The following MOB1B variants were observed in gnomAD, a reference collection of about 807,000 sequenced individuals.
The protein encoded by MOB1B is MOB kinase activator 1B, also known as MOB1 Mps One Binder homolog B.
In MOB1B, 19 loss-of-function variants were observed where a neutral mutation model predicts 24.4. The observed-to-expected ratio is 0.78, with a 90% CI of 0.54 to 1.14. The LOEUF (loss-of-function observed/expected upper bound fraction) is 1.14. Ranked by LOEUF, MOB1B falls within the 50% of genes most tolerant of loss-of-function variation. The pLI is 0.00. For synonymous variants in MOB1B, 76 were observed against 82.1 expected (o/e 0.93, Z 0.40); for missense variants, 243 against 259.6 (o/e 0.94, Z 0.44).
At chr4:70,968,430 G>A (rs1246532110) in intron 2 of MOB1B, among the ~76,000 whole-genome samples, 1 of 152,094 alleles carries the variant, frequency 6.6e-6, no homozygotes, top group Admixed American at 6.5e-5. Context: ...TCCTGCCCCA[G>A]CCTCCTGAGT....
intron 2 of MOB1B, among the ~76,000 whole-genome samples, chr4:70,969,210 C>T (rs774027730): frequency 5.3e-5 from 8 of 152,258 alleles, no homozygotes; most frequent in Middle Eastern, 3.4e-3. Context: ...TGGCTCACTG[C>T]AGCCTGACTT....
intron 1 of MOB1B, among the ~76,000 whole-genome samples, chr4:70,925,512 G>C (rs2148875827): frequency 6.6e-6 from 1 of 152,286 alleles, no homozygotes; most frequent in South Asian, 2.1e-4. Flanking sequence ...GTCCTCTGGT[G>C]ACAGAAAGTA....
chr4:70,953,467 A>G (rs1010966115), intron 1 of MOB1B, among the ~76,000 whole-genome samples: 2 of 152,220 alleles, frequency 1.3e-5, no homozygotes, highest in Admixed American at 6.5e-5. Context: ...GAAAGCAGAA[A>G]TGTATGTGGA....
At chr4:70,911,254 C>G (rs989496458) in intron 1 of MOB1B, among the ~76,000 whole-genome samples, 2 of 151,932 alleles carry the variant, frequency 1.3e-5, no homozygotes, top group African/African-American at 4.8e-5. Flanking sequence ...TATTATCTTA[C>G]AGTTTTTTAT....
At chr4:70,964,805 C>A (rs1172840094) in intron 2 of MOB1B, among the ~76,000 whole-genome samples, 1 of 151,470 alleles carries the variant, frequency 6.6e-6, no homozygotes, top group African/African-American at 2.4e-5. Context: ...TTGGGGCATG[C>A]CTGTATCCCA....
At chr4:70,938,528 C>T (rs1466324268) in intron 1 of MOB1B, among the ~76,000 whole-genome samples, 1 of 151,976 alleles carries the variant, frequency 6.6e-6, no homozygotes, top group African/African-American at 2.4e-5. Flanking sequence ...CTGTTTTGCC[C>T]TCTCCATAGA....
chr4:70,963,014 A>AC (rs1466137712), intron 2 of MOB1B, among the ~76,000 whole-genome samples: 1 of 152,202 alleles, frequency 6.6e-6, no homozygotes, highest in East Asian at 1.9e-4. Context: ...CAACAAAAAA[A>AC]GAGAAAGAAA....
At chr4:70,905,786 CG>C (rs1239938880) in intron 1 of MOB1B, among the ~76,000 whole-genome samples, 1 of 151,876 alleles carries the variant, frequency 6.6e-6, no homozygotes, top group Admixed American at 6.6e-5. Context: ...CACTGTGGGC[CG>C]GGCACAGTGG....
At chr4:70,975,395 T>G (rs1578403698) in intron 4 of MOB1B, 109 bp downstream of exon 4, 1 of 1,508,066 alleles carries the variant, frequency 6.6e-7, no homozygotes, top group South Asian at 1.4e-5. Context: ...TTTATGGCTG[T>G]GTTGATATAT....
intron 2 of MOB1B, among the ~76,000 whole-genome samples, chr4:70,960,452 A>G (rs896707529): frequency 6.6e-6 from 1 of 152,186 alleles, no homozygotes; most frequent in African/African-American, 2.4e-5. Flanking sequence ...CATACACAAA[A>G]TGTCTAGGCT....
chr4:70,982,036 A>G lies in MOB1B; in HGVS notation c.630A>G (p.Lys210=), dbSNP rs756927446. The G allele has an allele frequency of 1.9e-6, 3 of 1,611,624 alleles. No homozygotes were observed. In the East Asian group the frequency reaches 6.7e-5, roughly 36 times the overall value. The change falls in exon 6 of 6, where the codon AAA becomes AAG. Residue 210 remains lysine (K), a synonymous_variant. Transcript: ENST00000309395. ...ELAPLQELIE[K]LTSKDR ...CACCACTCCAAGAACTGATTGAAAA[A>G]CTCACCTCAAAAGACAGATAAAAGG...
At position 70,902,654 on chromosome 4, in the gene MOB1B, C is replaced by T. The variant is rs895498724; in HGVS notation, c.14+104C>T. ...CGCCCTCGTCCCGACCCTCCTGGCC[C>T]AGCGCTCCCGGGGCCCGGCGTCACC... is the stretch of plus-strand genomic sequence containing the variant. On this transcript the variant is annotated intron_variant, in intron 1 of 5. Transcript: ENST00000309395. 7.7e-5 allele frequency: 88 copies of T among 1,142,406 alleles called. No homozygotes were observed. In the East Asian group the frequency reaches 2.5e-3, roughly 32 times the overall value. 70.8% of individuals were successfully genotyped at this position (1,142,406 alleles called of 1,614,324 possible).
intron 3 of MOB1B, among the ~76,000 whole-genome samples, chr4:70,970,786 C>T (rs893223313): frequency 2.6e-5 from 4 of 151,938 alleles, no homozygotes; most frequent in African/African-American, 4.8e-5. Context: ...TCAAAGAGCC[C>T]GTAACAGAAG....
chr4:70,926,854 G>A (rs984586659), intron 1 of MOB1B, among the ~76,000 whole-genome samples: 6 of 151,892 alleles, frequency 4.0e-5, no homozygotes, highest in South Asian at 2.1e-4. Context: ...AAAATTAGCC[G>A]GGCGTGGTGG....
At chr4:70,959,103 G>A in intron 2 of MOB1B, 63 bp downstream of exon 2, 1 of 1,369,926 alleles carries the variant, frequency 7.3e-7, no homozygotes, top group Non-Finnish European at 1.0e-6. Flanking sequence ...TTGTTGGTGA[G>A]TGTTGGTGCT....
intron 5 of MOB1B, among the ~76,000 whole-genome samples, chr4:70,981,397 G>A (rs1286297592): frequency 6.6e-6 from 1 of 152,154 alleles, no homozygotes. Flanking sequence ...TCAGAATGAC[G>A]GGTGGAATTT....
chr4:70,954,935 G>A (rs1404454461), intron 1 of MOB1B, among the ~76,000 whole-genome samples: 1 of 151,752 alleles, frequency 6.6e-6, no homozygotes, highest in African/African-American at 2.4e-5. Context: ...ACAGGTGCAC[G>A]CCATGACACC....
In MOB1B at chr4:70,982,187, C is replaced by T. The variant is rs368033645; in HGVS notation, c.*130C>T. The T allele has an allele frequency of 1.4e-4, 87 of 604,084 alleles. 1 individual carries two copies. The South Asian group carries it at 1.6e-3, about 11-fold the overall frequency. The allele number at this position is 604,084 out of a possible 1,614,324, so 37.4% of individuals were successfully genotyped here. ...TGGGGGCGGGGGCTTGTTTGGGTTC[C>T]TTTTTCTTTATTCTGATTATGTGAA... On this transcript the variant is annotated 3_prime_UTR_variant, in exon 6 of 6. Coordinates refer to ENST00000309395, the MANE Select transcript of MOB1B (RefSeq NM_173468.4).
At chr4:70,920,232 C>T (rs1352402450) in intron 1 of MOB1B, among the ~76,000 whole-genome samples, 1 of 152,046 alleles carries the variant, frequency 6.6e-6, no homozygotes, top group African/African-American at 2.4e-5. Flanking sequence ...TCCTCCTCCT[C>T]TTCCTCTTCC....
Sources: allele counts gnomAD v4.1 joint callset (sites outside exome capture counted in the v4.1 genomes callset), GRCh38; gene constraint gnomAD v4.1.1; transcripts MANE v1.5; gene names NCBI Gene and HGNC (gene_info 2026-07-23, HGNC 2026-07-21).